METTL15: variants seen among roughly 807,000 people sequenced by gnomAD.
METTL15 encodes the protein methyltransferase 15, mitochondrial 12S rRNA N4-cytidine, also known as 12S rRNA N(4)-cytidine methyltransferase METTL15.
METTL15 carries 34 observed loss-of-function variants against 38.3 expected under a neutral mutation model. The observed-to-expected ratio is 0.89, with a 90% confidence interval of 0.68 to 1.18. The LOEUF is 1.18. METTL15 is among the 50% of genes most tolerant of loss of function. METTL15 has a pLI of 0.00. For missense variants in METTL15, 438 were observed against 498.4 expected (o/e 0.88, Z 1.15); for synonymous variants, 162 against 170.9 (o/e 0.95, Z 0.41).
intron 6 of METTL15, among the ~76,000 whole-genome samples, chr11:28,430,966 C>T (rs1850920902): frequency 9.9e-6 from 1 of 101,416 alleles, no homozygotes; most frequent in African/African-American, 3.3e-5. Context: ...CTCTGCCCGG[C>T]CGCCCCTACT....
intron 6 of METTL15, among the ~76,000 whole-genome samples, chr11:28,482,840 T>C (rs909462328): frequency 4.6e-5 from 7 of 152,170 alleles, no homozygotes; most frequent in African/African-American, 1.7e-4. Flanking sequence ...CACACCAAAC[T>C]TCAAGTAGCA....
intron 6 of METTL15, among the ~76,000 whole-genome samples, chr11:28,324,768 G>A (rs747439400): frequency 6.6e-6 from 1 of 152,092 alleles, no homozygotes; most frequent in Non-Finnish European, 1.5e-5. Context: ...ATAGACCCAC[G>A]CTGTCAGGTT....
intron 4 of METTL15, among the ~76,000 whole-genome samples, chr11:28,214,690 G>A (rs1460570531): frequency 1.3e-5 from 2 of 152,180 alleles, no homozygotes; most frequent in African/African-American, 4.8e-5. Context: ...AAATTAGGAT[G>A]TAAATAGGAT....
rs1276734150 is a variant in METTL15 at position 28,390,090 on chromosome 11, G to A, written c.*358+28054G>A. Among the ~76,000 whole-genome samples, 10 of 151,138 alleles carry A rather than the reference G, an allele frequency of 6.6e-5. No homozygotes were observed. The South Asian group carries it at 1.0e-3, about 16-fold the overall frequency. On this transcript the variant is annotated intron_variant and NMD_transcript_variant, in intron 5 of 7. Coordinates refer to the METTL15 transcript ENST00000532947. Reference sequence around the variant, plus strand: ...TTTTTGATGGGGTTGTTTTTTTCTTGTAAATTTGTTTGAGTTCATTGTAGA... The same window carrying A: ...TTTTTGATGGGGTTGTTTTTTTCTTATAAATTTGTTTGAGTTCATTGTAGA...
At chr11:28,435,572 T>C (rs1850974925) in intron 6 of METTL15, among the ~76,000 whole-genome samples, 1 of 152,214 alleles carries the variant, frequency 6.6e-6, no homozygotes, top group African/African-American at 2.4e-5. Context: ...AAAATATTCC[T>C]GCTTCCTGCC....
intron 5 of METTL15, among the ~76,000 whole-genome samples, chr11:28,394,240 A>G (rs1648097018): frequency 6.6e-6 from 1 of 152,134 alleles, no homozygotes; most frequent in African/African-American, 2.4e-5. Flanking sequence ...ATGACATATA[A>G]GAGTTCCATT....
At position 28,517,696 on chromosome 11, in the gene METTL15, T is replaced by C. The variant is rs111412660; in HGVS notation, c.*425-8782T>C. Among the ~76,000 whole-genome samples, 1,298 of 152,320 alleles carry C rather than the reference T, an allele frequency of 8.5e-3. 9 individuals carry two copies. The highest frequency in any genetic ancestry group is 0.017 in the Middle Eastern group (5 of 294). On this transcript the variant is annotated intron_variant and NMD_transcript_variant, in intron 6 of 7. Transcript: ENST00000532947. The stretch of plus-strand genomic sequence containing the variant: ...TTGCCGCTCTTTCCATTCTCAACTG[T>C]CATTGCCATTTACTTTGGCAATAAA...
intron 4 of METTL15, among the ~76,000 whole-genome samples, chr11:28,267,826 G>A (rs1347093421): frequency 6.6e-6 from 1 of 152,150 alleles, no homozygotes; most frequent in East Asian, 1.9e-4. Context: ...GTGAAAACAA[G>A]GGAAAAGAAT....
chr11:28,125,123 G>T (rs891901690), intron 3 of METTL15, among the ~76,000 whole-genome samples: 7 of 151,940 alleles, frequency 4.6e-5, no homozygotes, highest in Non-Finnish European at 5.9e-5. Flanking sequence ...TCTTGTTTTT[G>T]TACTTATTTT....
chr11:28,405,988 C>A lies in METTL15; in HGVS notation c.*359-18311C>A, dbSNP rs1590363513. Among the ~76,000 whole-genome samples the A allele has an allele frequency of 2.6e-5, 4 of 152,092 alleles. No individual in the cohort carries two copies. The South Asian group carries it at 8.3e-4, about 32-fold the overall frequency. On this transcript the variant is annotated intron_variant and NMD_transcript_variant, in intron 5 of 7. Transcript: ENST00000532947. Reference sequence around the variant, plus strand: ...CTCTGTGTCTGTTTTTGTACTAGTACCATGCTGTTTTAATTAACATAGACT... The same window carrying A: ...CTCTGTGTCTGTTTTTGTACTAGTAACATGCTGTTTTAATTAACATAGACT...
intron 3 of METTL15, among the ~76,000 whole-genome samples, chr11:28,195,914 A>G (rs117835254): frequency 2.3e-4 from 35 of 152,076 alleles, no homozygotes; most frequent in African/African-American, 6.0e-4. Flanking sequence ...TCATTTTTCT[A>G]TATGTGGCTT....
chr11:28,507,579 G>A (rs1041437474), intron 6 of METTL15, among the ~76,000 whole-genome samples: 4 of 151,936 alleles, frequency 2.6e-5, no homozygotes, highest in Non-Finnish European at 5.9e-5. Context: ...TTGATTCAAC[G>A]GACTTCTTAA....
intron 6 of METTL15, among the ~76,000 whole-genome samples, chr11:28,473,764 T>G (rs1192877008): frequency 6.6e-6 from 1 of 152,104 alleles, no homozygotes; most frequent in East Asian, 1.9e-4. Context: ...ATCTTTCTCC[T>G]TGGCCTGACC....
intron 6 of METTL15, among the ~76,000 whole-genome samples, chr11:28,474,577 C>T (rs181367742): frequency 4.6e-5 from 7 of 152,212 alleles, no homozygotes; most frequent in Admixed American, 1.3e-4. Context: ...AAGTGGATGG[C>T]AGGTTACTAA....
chr11:28,412,722 T>G (rs1287832542), intron 5 of METTL15, among the ~76,000 whole-genome samples: 1 of 151,868 alleles, frequency 6.6e-6, no homozygotes. Context: ...GAATGAAACA[T>G]TGGTACCATA....
intron 5 of METTL15, among the ~76,000 whole-genome samples, chr11:28,391,479 T>A (rs1321896702): frequency 2.0e-5 from 3 of 151,922 alleles, no homozygotes; most frequent in Non-Finnish European, 4.4e-5. Flanking sequence ...CTGCATCTAT[T>A]GAGATAATCA....
At chr11:28,222,501 G>A (rs1028595316) in intron 4 of METTL15, among the ~76,000 whole-genome samples, 1 of 152,174 alleles carries the variant, frequency 6.6e-6, no homozygotes, top group South Asian at 2.1e-4. Context: ...TTGCACTTCT[G>A]GGGTGAGGCG....
chr11:28,121,521 C>G (rs1357027020), intron 3 of METTL15, among the ~76,000 whole-genome samples: 1 of 152,102 alleles, frequency 6.6e-6, no homozygotes, highest in Non-Finnish European at 1.5e-5. Context: ...TTAACCTGAA[C>G]TTTCCAACAT....
intron 3 of METTL15, 152 bp from the exon 4 acceptor site, chr11:28,210,910 T>G (rs1215318624): frequency 8.7e-6 from 7 of 805,720 alleles, no homozygotes; most frequent in African/African-American, 3.5e-5. Flanking sequence ...ATCTCACATG[T>G]AACAAATTCA....
Sources: allele counts gnomAD v4.1 joint callset (sites outside exome capture counted in the v4.1 genomes callset), GRCh38; gene constraint gnomAD v4.1.1; transcripts MANE v1.5; gene names NCBI Gene and HGNC (gene_info 2026-07-23, HGNC 2026-07-21).